The following THSD7A variants were observed in gnomAD, a reference collection of about 807,000 sequenced individuals.
THSD7A encodes thrombospondin type 1 domain containing 7A.
In THSD7A, 96 loss-of-function variants were observed where a neutral mutation model predicts 231.3. The observed-to-expected ratio is 0.41, with a 90% CI of 0.35 to 0.49. The LOEUF is 0.49. Among genes scored for constraint, THSD7A ranks in the 20% least tolerant of loss-of-function variants. THSD7A has a pLI of 0.05. For synonymous variants in THSD7A, 940 were observed against 743.3 expected (o/e 1.26, Z -4.30); for missense variants, 2,290 against 2,070.2 (o/e 1.11, Z -2.06).
chr7:11,481,479 G>A (rs953150472), intron 7 of THSD7A, among the ~76,000 whole-genome samples: 4 of 152,054 alleles, frequency 2.6e-5, no homozygotes, highest in Non-Finnish European at 5.9e-5. Context: ...GAAATTTTGG[G>A]AGCCATTTTC....
intron 1 of THSD7A, among the ~76,000 whole-genome samples, chr7:11,782,601 C>T (rs1223642218): frequency 1.3e-5 from 2 of 152,056 alleles, no homozygotes; most frequent in East Asian, 3.9e-4. Context: ...GTGATCATCA[C>T]CGAAATTAAC....
intron 19 of THSD7A, among the ~76,000 whole-genome samples, 172 bp from the exon 20 acceptor site, chr7:11,407,595 T>G (rs1490498326): frequency 6.6e-6 from 1 of 152,182 alleles, no homozygotes; most frequent in Non-Finnish European, 1.5e-5. Context: ...TGGTTTGACC[T>G]AGGAGAGTGG....
At chr7:11,487,824 C>G (rs530401107) in intron 6 of THSD7A, among the ~76,000 whole-genome samples, 1 of 152,106 alleles carries the variant, frequency 6.6e-6, no homozygotes, top group African/African-American at 2.4e-5. Context: ...CTGGCCCCAC[C>G]CTTGACACGT....
At chr7:11,453,935 G>C (rs1785223695) in intron 11 of THSD7A, among the ~76,000 whole-genome samples, 1 of 151,904 alleles carries the variant, frequency 6.6e-6, no homozygotes, top group Non-Finnish European at 1.5e-5. Flanking sequence ...TTATGGCTAG[G>C]TTTCAATTAC....
chr7:11,418,176 T>C (rs556499186), intron 16 of THSD7A, among the ~76,000 whole-genome samples: 2 of 152,332 alleles, frequency 1.3e-5, no homozygotes, highest in African/African-American at 4.8e-5. Context: ...AAAGTAATTT[T>C]AGCCTCCCTT....
At chr7:11,507,543 T>G (rs1430838432) in intron 6 of THSD7A, among the ~76,000 whole-genome samples, 3 of 151,622 alleles carry the variant, frequency 2.0e-5, no homozygotes, top group African/African-American at 7.3e-5. Context: ...GATTATTTAA[T>G]CCAGGTATGA....
At chr7:11,623,761 A>G (rs545099399) in intron 2 of THSD7A, among the ~76,000 whole-genome samples, 14 of 152,282 alleles carry the variant, frequency 9.2e-5, no homozygotes, top group African/African-American at 3.4e-4. Flanking sequence ...TAGGTTGAAC[A>G]AGGAATAGAA....
chr7:11,770,616 C>T (rs1783190166), intron 1 of THSD7A, among the ~76,000 whole-genome samples: 1 of 152,144 alleles, frequency 6.6e-6, no homozygotes, highest in South Asian at 2.1e-4. Context: ...TCTTCTACTT[C>T]AAGGACTACA....
chr7:11,427,889 C>T (rs2115422824), intron 14 of THSD7A, among the ~76,000 whole-genome samples: 1 of 152,178 alleles, frequency 6.6e-6, no homozygotes, highest in East Asian at 1.9e-4. Flanking sequence ...GTGTTATTTA[C>T]CCTCCATTGC....
intron 13 of THSD7A, among the ~76,000 whole-genome samples, chr7:11,435,621 C>T (rs1784608859): frequency 6.6e-6 from 1 of 151,978 alleles, no homozygotes; most frequent in South Asian, 2.1e-4. Context: ...CCTCCTGCCT[C>T]CACTAAAGAG....
At chr7:11,502,153 C>A (rs2128310670) in intron 6 of THSD7A, among the ~76,000 whole-genome samples, 1 of 152,016 alleles carries the variant, frequency 6.6e-6, no homozygotes, top group African/African-American at 2.4e-5. Context: ...CTACTAAAAA[C>A]AACAACAAAA....
At chr7:11,738,683 A>C (rs1209571859) in intron 1 of THSD7A, among the ~76,000 whole-genome samples, 1 of 152,016 alleles carries the variant, frequency 6.6e-6, no homozygotes, top group Non-Finnish European at 1.5e-5. Flanking sequence ...TTAAACTGGA[A>C]GGGGCAGAAG....
At chr7:11,710,242 C>A (rs1780906418) in intron 1 of THSD7A, among the ~76,000 whole-genome samples, 1 of 146,424 alleles carries the variant, frequency 6.8e-6, no homozygotes, top group Admixed American at 6.9e-5. Context: ...ATCAGTGCAT[C>A]AAGGATAAAT....
intron 4 of THSD7A, among the ~76,000 whole-genome samples, chr7:11,557,616 C>T (rs568854354): frequency 6.6e-6 from 1 of 152,142 alleles, no homozygotes; most frequent in East Asian, 1.9e-4. Flanking sequence ...TGACCCTGCT[C>T]CAGAATGGCA....
chr7:11,407,569 T>A (rs1295863968), intron 19 of THSD7A, 146 bp from the exon 20 acceptor site: 1 of 640,794 alleles, frequency 1.6e-6, no homozygotes, highest in Non-Finnish European at 2.7e-6. Flanking sequence ...ACATCCAAAC[T>A]ATTGAAAGTA....
chr7:11,479,164 A>C (rs192946666), intron 7 of THSD7A, among the ~76,000 whole-genome samples: 11 of 152,164 alleles, frequency 7.2e-5, no homozygotes, highest in Non-Finnish European at 1.6e-4. Context: ...GAAGTAAATA[A>C]AGCTTTGTTC....
intron 1 of THSD7A, among the ~76,000 whole-genome samples, chr7:11,769,996 T>C (rs79959980): frequency 0.012 from 1,828 of 152,186 alleles, 29 homozygotes; most frequent in African/African-American, 0.042. Context: ...CAAAGACAAA[T>C]GTTAGAAGCT....
chr7:11,681,281 C>T (rs1340108699), intron 1 of THSD7A, among the ~76,000 whole-genome samples: 4 of 151,850 alleles, frequency 2.6e-5, no homozygotes, highest in Non-Finnish European at 5.9e-5. Context: ...AGCAAACCAC[C>T]ATGTACATTC....
intron 1 of THSD7A, among the ~76,000 whole-genome samples, chr7:11,684,300 A>G (rs1478096363): frequency 6.6e-6 from 1 of 151,910 alleles, no homozygotes; most frequent in Non-Finnish European, 1.5e-5. Context: ...AAAAGTTGGA[A>G]GCATTCCTCA....
Sources: allele counts gnomAD v4.1 joint callset (sites outside exome capture counted in the v4.1 genomes callset), GRCh38; gene constraint gnomAD v4.1.1; transcripts MANE v1.5; gene names NCBI Gene and HGNC (gene_info 2026-07-23, HGNC 2026-07-21).